SNX29: variants seen among roughly 807,000 people sequenced by gnomAD.
The protein encoded by SNX29 is sorting nexin 29, also known as sorting nexin-29.
In SNX29, 78 loss-of-function variants were observed where a neutral mutation model predicts 102.1. The ratio of observed to expected loss-of-function variants is 0.76; its 90% CI spans 0.64 to 0.92. The LOEUF is 0.92. SNX29 is among the 40% of genes least tolerant of loss of function. SNX29 has a pLI of 0.00. For synonymous variants in SNX29, 580 were observed against 414.5 expected (o/e 1.40, Z -4.85); for missense variants, 1,280 against 1,061.7 (o/e 1.21, Z -2.86).
At chr16:12,308,763 G>C (rs917357280) in intron 15 of SNX29, among the ~76,000 whole-genome samples, 2 of 152,110 alleles carry the variant, frequency 1.3e-5, no homozygotes, top group Non-Finnish European at 2.9e-5. Context: ...TTCTCAGCTG[G>C]AGAGTCTTGA....
intron 13 of SNX29, among the ~76,000 whole-genome samples, chr16:12,143,475 G>C (rs1567245459): frequency 6.6e-6 from 1 of 152,152 alleles, no homozygotes; most frequent in Non-Finnish European, 1.5e-5. Context: ...GGCGGTGCTC[G>C]TCCTTAGTGT....
intron 14 of SNX29, among the ~76,000 whole-genome samples, chr16:12,211,965 C>T (rs1449449296): frequency 2.6e-5 from 4 of 152,140 alleles, no homozygotes; most frequent in Non-Finnish European, 5.9e-5. Context: ...TTAATCATTA[C>T]AGTCATCCAC....
At chr16:12,536,183 A>G (rs1464554853) in intron 20 of SNX29, among the ~76,000 whole-genome samples, 1 of 152,186 alleles carries the variant, frequency 6.6e-6, no homozygotes, top group Non-Finnish European at 1.5e-5. Flanking sequence ...CACATCACTC[A>G]GAAGATAAAG....
intron 19 of SNX29, among the ~76,000 whole-genome samples, chr16:12,504,452 C>A (rs1392777642): frequency 6.6e-6 from 1 of 152,162 alleles, no homozygotes; most frequent in East Asian, 1.9e-4. Context: ...CTTTCCGTGT[C>A]TGTAGGATTG....
At chr16:12,035,335 T>G (rs551713015) in intron 4 of SNX29, among the ~76,000 whole-genome samples, 1 of 151,640 alleles carries the variant, frequency 6.6e-6, no homozygotes, top group African/African-American at 2.4e-5. Flanking sequence ...CTTCGGCCTC[T>G]CAAGTAGCTG....
At chr16:12,478,907 G>C (rs533359463) in intron 19 of SNX29, among the ~76,000 whole-genome samples, 1 of 152,182 alleles carries the variant, frequency 6.6e-6, no homozygotes, top group Non-Finnish European at 1.5e-5. Context: ...TCAAGAAGGA[G>C]ACAGGGGCAC....
chr16:12,540,230 G>A (rs778433941), intron 20 of SNX29, among the ~76,000 whole-genome samples: 1 of 152,074 alleles, frequency 6.6e-6, no homozygotes, highest in East Asian at 1.9e-4. Flanking sequence ...ACTTCCTGTG[G>A]CTGACCCGCT....
chr16:12,365,934 C>T (rs913619124), intron 16 of SNX29, among the ~76,000 whole-genome samples: 24 of 140,142 alleles, frequency 1.7e-4, no homozygotes, highest in Admixed American at 1.4e-3. Context: ...CCCAGCTACT[C>T]GGGAGGCTGA....
At chr16:12,169,871 G>T (rs1176678338) in intron 13 of SNX29, among the ~76,000 whole-genome samples, 1 of 151,698 alleles carries the variant, frequency 6.6e-6, no homozygotes, top group African/African-American at 2.4e-5. Flanking sequence ...CGCCTCCTGG[G>T]TTCAAGTGAT....
chr16:12,181,937 G>A (rs2076395443), intron 13 of SNX29, among the ~76,000 whole-genome samples: 1 of 151,230 alleles, frequency 6.6e-6, no homozygotes, highest in South Asian at 2.1e-4. Flanking sequence ...AGGCTGAAGT[G>A]CAGTGGCACG....
At chr16:12,484,574 C>T (rs2088134238) in intron 19 of SNX29, among the ~76,000 whole-genome samples, 1 of 152,150 alleles carries the variant, frequency 6.6e-6, no homozygotes, top group Non-Finnish European at 1.5e-5. Flanking sequence ...TACCTTATCT[C>T]ATGCCCTGCC....
At chr16:12,039,136 A>G (rs1467342501) in intron 4 of SNX29, among the ~76,000 whole-genome samples, 2 of 152,228 alleles carry the variant, frequency 1.3e-5, no homozygotes, top group African/African-American at 4.8e-5. Context: ...ATACAGATGT[A>G]TACATTTAGA....
intron 14 of SNX29, among the ~76,000 whole-genome samples, chr16:12,210,464 G>A (rs1349513726): frequency 6.6e-6 from 1 of 151,568 alleles, no homozygotes; most frequent in East Asian, 1.9e-4. Context: ...GAGGAGCTGG[G>A]AGCACTGGTG....
At chr16:12,273,566 C>G (rs2079155912) in intron 14 of SNX29, among the ~76,000 whole-genome samples, 1 of 152,052 alleles carries the variant, frequency 6.6e-6, no homozygotes, top group Non-Finnish European at 1.5e-5. Context: ...ACCATGTTGG[C>G]CAGCTGGTCT....
chr16:12,466,814 G>A (rs1042256757), intron 18 of SNX29, among the ~76,000 whole-genome samples: 8 of 152,176 alleles, frequency 5.3e-5, no homozygotes, highest in African/African-American at 1.9e-4. Flanking sequence ...GCTCCGAGGG[G>A]ATTGGAAAGT....
intron 20 of SNX29, among the ~76,000 whole-genome samples, chr16:12,531,187 A>C (rs1158955256): frequency 6.6e-6 from 1 of 152,250 alleles, no homozygotes; most frequent in East Asian, 1.9e-4. Flanking sequence ...CCAGGTGTGC[A>C]GAACAGCTGC....
chr16:12,549,451 C>T (rs895705861), intron 20 of SNX29, among the ~76,000 whole-genome samples: 3 of 152,026 alleles, frequency 2.0e-5, no homozygotes, highest in African/African-American at 7.3e-5. Context: ...CCTAAGATTG[C>T]ACCATTGAAC....
intron 20 of SNX29, chr16:12,526,915 C>T (rs1006582094): frequency 1.0e-5 from 4 of 390,850 alleles, no homozygotes; most frequent in Non-Finnish European, 1.9e-5. Context: ...TGGTTGCCAT[C>T]AGTCAGCACG....
intron 18 of SNX29, among the ~76,000 whole-genome samples, chr16:12,474,287 A>G (rs1217719355): frequency 6.6e-6 from 1 of 152,304 alleles, no homozygotes; most frequent in South Asian, 2.1e-4. Flanking sequence ...GACTCAACAC[A>G]TAATAGGTGG....
Sources: gnomAD v4.1 joint callset for allele counts (sites outside exome capture counted in the v4.1 genomes callset) on GRCh38, gnomAD v4.1.1 for gene constraint, MANE v1.5 for transcripts, NCBI Gene and HGNC (gene_info 2026-07-23, HGNC 2026-07-21) for gene names.